VPS8: variants seen among roughly 807,000 people sequenced by gnomAD.
VPS8 encodes the protein vacuolar protein sorting-associated protein 8 homolog.
In VPS8, 129 loss-of-function variants were observed where a neutral mutation model predicts 216.4. The observed-to-expected ratio is 0.60, with a 90% CI of 0.52 to 0.69. The LOEUF (loss-of-function observed/expected upper bound fraction) is 0.69. VPS8 is among the 30% of genes least tolerant of loss of function. VPS8 has a pLI of 0.00. For synonymous variants in VPS8, 571 were observed against 565.4 expected (o/e 1.01, Z -0.14); for missense variants, 1,531 against 1,683.5 (o/e 0.91, Z 1.59).
intron 1 of VPS8, among the ~76,000 whole-genome samples, chr3:184,817,603 G>A (rs1716616004): frequency 6.6e-6 from 1 of 152,172 alleles, no homozygotes; most frequent in Non-Finnish European, 1.5e-5. Context: ...CTACATATAA[G>A]TAGTATTCAA....
intron 29 of VPS8, among the ~76,000 whole-genome samples, chr3:184,924,233 T>C (rs1026516925): frequency 1.3e-5 from 2 of 152,258 alleles, no homozygotes; most frequent in Non-Finnish European, 2.9e-5. Context: ...TGACTCTCAG[T>C]TATCTTACTC....
At chr3:184,844,232 G>A (rs960338057) in intron 8 of VPS8, among the ~76,000 whole-genome samples, 1 of 152,036 alleles carries the variant, frequency 6.6e-6, no homozygotes, top group African/African-American at 2.4e-5. Context: ...GACCAGCCTG[G>A]CCAACATGGT....
At chr3:184,839,787 TAA>T in intron 7 of VPS8, 35 bp downstream of exon 7, 1 of 1,565,044 alleles carries the variant, frequency 6.4e-7, no homozygotes, top group Non-Finnish European at 8.7e-7. Context: ...TTTTAAATAT[TAA>T]GTGTCCTTTT....
chr3:185,011,644 T>G (rs1561108704), intron 45 of VPS8, among the ~76,000 whole-genome samples: 1 of 152,210 alleles, frequency 6.6e-6, no homozygotes, highest in Non-Finnish European at 1.5e-5. Flanking sequence ...TTACAGGGAT[T>G]GATAAATACC....
chr3:184,822,251 T>C (rs1291448254), intron 1 of VPS8, among the ~76,000 whole-genome samples: 1 of 152,188 alleles, frequency 6.6e-6, no homozygotes, highest in Non-Finnish European at 1.5e-5. Context: ...CTTTGGCTTG[T>C]GTTCTGTCCA....
chr3:184,951,909 G>A (rs750238430), intron 36 of VPS8, among the ~76,000 whole-genome samples: 20 of 152,174 alleles, frequency 1.3e-4, no homozygotes, highest in South Asian at 4.1e-4. Context: ...TCTCACAAAT[G>A]AATCCATCAA....
At chr3:184,964,165 T>A (rs1746998366) in intron 37 of VPS8, among the ~76,000 whole-genome samples, 1 of 152,082 alleles carries the variant, frequency 6.6e-6, no homozygotes, top group Non-Finnish European at 1.5e-5. Context: ...AAGTTCTAGT[T>A]TGTATTGTTA....
At chr3:184,814,924 C>T (rs910436515) in intron 1 of VPS8, among the ~76,000 whole-genome samples, 1 of 152,180 alleles carries the variant, frequency 6.6e-6, no homozygotes, top group African/African-American at 2.4e-5. Flanking sequence ...AAAATACAAA[C>T]ACATTGTACA....
intron 40 of VPS8, among the ~76,000 whole-genome samples, chr3:184,974,475 GT>G (rs1480510542): frequency 1.3e-5 from 2 of 152,222 alleles, no homozygotes; most frequent in African/African-American, 4.8e-5. Context: ...CAGATGACTA[GT>G]TTGCAAATAT....
At chr3:184,880,472 C>T (rs372518052) in intron 21 of VPS8, among the ~76,000 whole-genome samples, 1 of 152,184 alleles carries the variant, frequency 6.6e-6, no homozygotes, top group East Asian at 1.9e-4. Context: ...AGTGATTCAC[C>T]CAGGTTGTTG....
chr3:184,908,036 T>G (rs150788562), intron 25 of VPS8, among the ~76,000 whole-genome samples: 45 of 152,316 alleles, frequency 3.0e-4, no homozygotes, highest in African/African-American at 1.0e-3. Flanking sequence ...GTTTTTCCTT[T>G]TAAGGTTTTT....
At chr3:185,032,555 G>A (rs1296858696) in intron 46 of VPS8, among the ~76,000 whole-genome samples, 1 of 152,196 alleles carries the variant, frequency 6.6e-6, no homozygotes, top group Admixed American at 6.5e-5. Context: ...CTCTGGGTCA[G>A]GCTGAGAATA....
chr3:184,827,908 G>A (rs1719133350), intron 3 of VPS8, among the ~76,000 whole-genome samples: 1 of 152,158 alleles, frequency 6.6e-6, no homozygotes, highest in South Asian at 2.1e-4. Context: ...AACCAGGCAA[G>A]TCGTAAGTGG....
intron 22 of VPS8, among the ~76,000 whole-genome samples, chr3:184,889,657 T>C (rs1731972581): frequency 6.6e-6 from 1 of 152,128 alleles, no homozygotes; most frequent in Admixed American, 6.5e-5. Context: ...CTCTTTGGGT[T>C]CTATTCTAAT....
chr3:184,975,590 A>G (rs375435889), intron 40 of VPS8, among the ~76,000 whole-genome samples: 3 of 152,102 alleles, frequency 2.0e-5, no homozygotes, highest in African/African-American at 7.2e-5. Flanking sequence ...TACTATGTTG[A>G]ATAACAGTGG....
chr3:184,891,581 A>G (rs191908063), intron 22 of VPS8, among the ~76,000 whole-genome samples: 4 of 152,322 alleles, frequency 2.6e-5, no homozygotes, highest in Admixed American at 2.6e-4. Context: ...ACAATTCAGT[A>G]GTTTTTAGTG....
intron 40 of VPS8, among the ~76,000 whole-genome samples, chr3:184,975,467 C>T (rs1749099085): frequency 6.6e-6 from 1 of 151,904 alleles, no homozygotes; most frequent in Non-Finnish European, 1.5e-5. Flanking sequence ...TTTAGGTTTT[C>T]ATATCTATGA....
chr3:184,869,528 GGTGA>G lies in VPS8; in HGVS notation c.1644+3_1644+6del. The G allele has an allele frequency of 6.2e-7, 1 of 1,613,176 alleles. No individual in the cohort carries two copies. Among genetic ancestry groups the G allele is most frequent in the Non-Finnish European group, 8.5e-7 (1 of 1,179,414 alleles). On this transcript the variant is annotated splice_donor_variant and splice_donor_region_variant and intron_variant, in intron 20 of 47. Coordinates refer to ENST00000625842, the MANE Select transcript of VPS8 (RefSeq NM_001009921.3). LOFTEE classifies it high-confidence loss of function. Reference sequence around the variant, plus strand: ...AGCGAAAGGCTATTGTTGCAGACCGGGTGAGTATTTTAAGAGGGTCTTTACTAGA... The same window carrying G: ...AGCGAAAGGCTATTGTTGCAGACCGGGTATTTTAAGAGGGTCTTTACTAGA...
intron 14 of VPS8, among the ~76,000 whole-genome samples, chr3:184,857,336 A>G (rs1163279407): frequency 6.6e-6 from 1 of 152,254 alleles, no homozygotes. Flanking sequence ...TGAGAGTCCT[A>G]TCTTTACTTT....
Sources: allele counts gnomAD v4.1 joint callset (sites outside exome capture counted in the v4.1 genomes callset), GRCh38; gene constraint gnomAD v4.1.1; transcripts MANE v1.5; gene names NCBI Gene and HGNC (gene_info 2026-07-23, HGNC 2026-07-21).